KLHL3: variants seen among roughly 807,000 people sequenced by gnomAD.
KLHL3 encodes kelch like family member 3.
KLHL3 carries 19 observed loss-of-function variants against 70.5 expected under a neutral mutation model. The observed-to-expected ratio is 0.27, with a 90% confidence interval of 0.19 to 0.40. The LOEUF (loss-of-function observed/expected upper bound fraction) is 0.40, where lower values mean the gene tolerates loss of function less well. Ranked by LOEUF, KLHL3 falls within the 10% of genes least tolerant of loss-of-function variation. The pLI is 1.00. For synonymous variants in KLHL3, 258 were observed against 290.3 expected (o/e 0.89, Z 1.13); for missense variants, 512 against 771.1 (o/e 0.66, Z 3.98).
chr5:137,649,997 T>C (rs577990918), intron 8 of KLHL3, among the ~76,000 whole-genome samples: 2 of 152,272 alleles, frequency 1.3e-5, no homozygotes, highest in East Asian at 1.9e-4. Context: ...AGAGTTGTAA[T>C]AAAGACAAAA....
chr5:137,670,707 C>T (rs529557207), intron 6 of KLHL3, among the ~76,000 whole-genome samples: 1 of 152,158 alleles, frequency 6.6e-6, no homozygotes, highest in African/African-American at 2.4e-5. Context: ...CTGTGGCTCA[C>T]GCCTGTAATC....
intron 2 of KLHL3, among the ~76,000 whole-genome samples, chr5:137,712,826 G>A (rs28537367): frequency 0.021 from 3,263 of 152,034 alleles, 121 homozygotes; most frequent in African/African-American, 0.074. Flanking sequence ...AGTACACAAC[G>A]TCCCCAGAGT....
chr5:137,702,016 A>G (rs1465340630), intron 3 of KLHL3, among the ~76,000 whole-genome samples: 1 of 152,224 alleles, frequency 6.6e-6, no homozygotes, highest in Non-Finnish European at 1.5e-5. Context: ...CATTTATTCA[A>G]TTCACCAAAC....
At chr5:137,683,110 T>C (rs1007465111) in intron 5 of KLHL3, among the ~76,000 whole-genome samples, 20 of 152,318 alleles carry the variant, frequency 1.3e-4, no homozygotes, top group African/African-American at 4.8e-4. Flanking sequence ...TGCCTGGGAA[T>C]GTATCACCCA....
intron 5 of KLHL3, among the ~76,000 whole-genome samples, chr5:137,679,733 C>T (rs560005107): frequency 5.0e-4 from 76 of 152,314 alleles, no homozygotes; most frequent in African/African-American, 1.7e-3. Context: ...TGAATCTAAA[C>T]CCCTTCTTTC....
In KLHL3 at chr5:137,639,526, T is replaced by C. The variant is rs1008607933; in HGVS notation, c.1021+334A>G. 1.3e-5 allele frequency among the ~76,000 whole-genome samples: 2 copies of C among 151,868 alleles called. No homozygotes were observed. The highest frequency in any genetic ancestry group is 2.9e-5 in the Non-Finnish European group (2 of 67,968). ...CTTGGCCAAAATGGTGAAACCCGTCTCTACTAAAAATGCAAAAATTAGCTG... is the reference window on the plus strand; with the variant it reads ...CTTGGCCAAAATGGTGAAACCCGTCCCTACTAAAAATGCAAAAATTAGCTG... On this transcript the variant is annotated intron_variant, in intron 9 of 14. Transcript: ENST00000309755. The surrounding 1 kb of genome is among the most constrained non-coding windows in gnomAD (Gnocchi z 5.0).
intron 7 of KLHL3, among the ~76,000 whole-genome samples, chr5:137,658,738 C>T (rs1031630653): frequency 6.6e-6 from 1 of 152,002 alleles, no homozygotes; most frequent in Non-Finnish European, 1.5e-5. Context: ...AGCCATCAGC[C>T]AACCTTTGGA....
At chr5:137,684,930 GA>G (rs1752126701) in intron 5 of KLHL3, among the ~76,000 whole-genome samples, 1 of 152,180 alleles carries the variant, frequency 6.6e-6, no homozygotes, top group South Asian at 2.1e-4. Flanking sequence ...CCCTGAGGGG[GA>G]AACTGAATCC....
Position 137,709,876 on chromosome 5 carries a change from G to A in KLHL3, c.135-20C>T. ...TGTTTACTGTAAGACACCAGTGAGA[G>A]GACAGGATGGGTTGCAGCAAGGACA... On this transcript the variant is annotated intron_variant, in intron 2 of 14. Transcript: ENST00000309755. 6 of 1,596,426 alleles carry A rather than the reference G, an allele frequency of 3.8e-6. No individual in the cohort carries two copies. Among genetic ancestry groups the A allele is most frequent in the Non-Finnish European group, 4.3e-6 (5 of 1,164,110 alleles).
chr5:137,686,889 T>TAGTGTGCAGAGCATA (rs368611403), intron 5 of KLHL3, among the ~76,000 whole-genome samples: 3 of 59,556 alleles, frequency 5.0e-5, no homozygotes, highest in African/African-American at 1.3e-4. Flanking sequence ...ATTACCTCCC[T>TAGTGTGCAGAGCATA]GAGGGGCGCC....
chr5:137,703,912 C>T (rs1247971332), intron 3 of KLHL3, among the ~76,000 whole-genome samples: 5 of 151,906 alleles, frequency 3.3e-5, no homozygotes, highest in Non-Finnish European at 5.9e-5. Flanking sequence ...CCTCCACCCC[C>T]GACATCCACA....
At chr5:137,703,805 T>C (rs918872339) in intron 3 of KLHL3, among the ~76,000 whole-genome samples, 1 of 151,588 alleles carries the variant, frequency 6.6e-6, no homozygotes, top group Non-Finnish European at 1.5e-5. Context: ...AATATCTTTC[T>C]GCTCAACTAG....
Position 137,695,013 on chromosome 5 carries a change from C to T in KLHL3, c.364-2566G>A, listed in dbSNP as rs142675832. The stretch of plus-strand genomic sequence containing the variant: ...AATCTGCCCTCAGACTGCATTCCAG[C>T]GAGCTCCCCAACCCCATACGCATAT... On this transcript the variant is annotated intron_variant, in intron 4 of 14. Transcript: ENST00000309755. 7.3e-4 allele frequency among the ~76,000 whole-genome samples: 111 copies of T among 152,270 alleles called. 2 individuals carry two copies. The highest frequency in any genetic ancestry group is 6.1e-3 in the Admixed American group (94 of 15,304).
intron 3 of KLHL3, among the ~76,000 whole-genome samples, chr5:137,707,080 A>G (rs1294134047): frequency 6.6e-6 from 1 of 152,182 alleles, no homozygotes; most frequent in Non-Finnish European, 1.5e-5. Flanking sequence ...AGGCCAAAAG[A>G]TGGAGGAGAG....
intron 5 of KLHL3, among the ~76,000 whole-genome samples, chr5:137,691,969 C>G (rs2905606): frequency 0.78 from 118,781 of 152,030 alleles, 46,631 homozygotes; most frequent in East Asian, 0.98. Flanking sequence ...AAAAACAAAG[C>G]TTTTCTTAAC....
chr5:137,700,593 C>T (rs1360970450), intron 3 of KLHL3, among the ~76,000 whole-genome samples: 1 of 152,182 alleles, frequency 6.6e-6, no homozygotes, highest in Non-Finnish European at 1.5e-5. Flanking sequence ...TCATTTTTAT[C>T]AGATTCTTAC....
rs1750279958 is a variant in KLHL3, at chr5:137,621,037, G to C, written c.*1061C>G. ...GCACAAATCTATCTTTGGGTCTGGA[G>C]GAGGGTGACCTCTTATTTATCCTCC... On this transcript the variant is annotated 3_prime_UTR_variant, in exon 15 of 15. Transcript: ENST00000309755. 2 of 152,400 alleles carry C rather than the reference G, an allele frequency of 1.3e-5. No individual in the cohort carries two copies. The highest frequency in any genetic ancestry group is 4.1e-4 in the South Asian group (2 of 4,834). The allele number at this position is 152,400 out of a possible 1,614,324, so 9.4% of individuals were successfully genotyped here. A position where few individuals can be genotyped will look rare whatever the true frequency, so the allele number is the denominator to read the frequency against.
intron 4 of KLHL3, among the ~76,000 whole-genome samples, chr5:137,697,166 T>C (rs1473613872): frequency 6.6e-6 from 1 of 152,084 alleles, no homozygotes; most frequent in Non-Finnish European, 1.5e-5. Context: ...CCAATCTTTT[T>C]TTTTTTTTCT....
intron 6 of KLHL3, among the ~76,000 whole-genome samples, chr5:137,666,510 T>C (rs576636675): frequency 6.6e-6 from 1 of 152,342 alleles, no homozygotes; most frequent in Admixed American, 6.5e-5. Flanking sequence ...TACAAGTCCT[T>C]AAGCGGGTAG....
Sources: allele counts gnomAD v4.1 joint callset (sites outside exome capture counted in the v4.1 genomes callset), GRCh38; gene constraint gnomAD v4.1.1; non-coding constraint Gnocchi (gnomAD v3.1); transcripts MANE v1.5; gene names NCBI Gene and HGNC (gene_info 2026-07-23, HGNC 2026-07-21).